The following C8orf74 variants were observed in gnomAD, a reference collection of about 807,000 sequenced individuals.
The protein encoded by C8orf74 is uncharacterized protein C8orf74.
C8orf74 carries 29 observed loss-of-function variants against 22.2 expected under a neutral mutation model. The ratio of observed to expected loss-of-function variants is 1.31; its 90% CI spans 0.97 to 1.78. C8orf74 has a LOEUF of 1.78. Among genes scored for constraint, C8orf74 ranks in the 40% most tolerant of loss-of-function variants. C8orf74 has a pLI of 0.00. For missense variants in C8orf74, 515 were observed against 369.9 expected (o/e 1.39, Z -3.22); for synonymous variants, 255 against 163.1 (o/e 1.56, Z -4.30).
chr8:10,685,732 A>G (rs766061153), intron 2 of C8orf74, among the ~76,000 whole-genome samples: 1 of 152,194 alleles, frequency 6.6e-6, no homozygotes, highest in Non-Finnish European at 1.5e-5. Context: ...GATGGCTGCA[A>G]AATAATGTGA....
chr8:10,693,952 C>G (rs35600556), intron 2 of C8orf74, among the ~76,000 whole-genome samples: 5 of 152,204 alleles, frequency 3.3e-5, no homozygotes, highest in Admixed American at 6.5e-5. Context: ...TAGGTGCCAA[C>G]GACAACAAGC....
chr8:10,691,127 C>T (rs575359615), intron 2 of C8orf74: 1 of 362,456 alleles, frequency 2.8e-6, no homozygotes, highest in African/African-American at 2.1e-5. Context: ...TGCTGAAACC[C>T]AGAACCAGCC....
chr8:10,694,366 T>C (rs185684264), intron 2 of C8orf74, among the ~76,000 whole-genome samples: 8 of 152,254 alleles, frequency 5.3e-5, no homozygotes, highest in African/African-American at 1.9e-4. Flanking sequence ...CAGGTCTCAA[T>C]CAATTTAGAA....
At chr8:10,682,779 G>C (rs1799178966) in intron 2 of C8orf74, among the ~76,000 whole-genome samples, 1 of 152,232 alleles carries the variant, frequency 6.6e-6, no homozygotes, top group Admixed American at 6.5e-5. Context: ...AAGTAGGTCA[G>C]AAATCAAGAC....
At chr8:10,689,277 C>T (rs1229245158) in intron 2 of C8orf74, 2 of 152,218 alleles carry the variant, frequency 1.3e-5, no homozygotes, top group African/African-American at 2.4e-5. Flanking sequence ...TTTTTCTGGG[C>T]CTCAGTTTCC....
chr8:10,685,540 T>C (rs1799245000), intron 2 of C8orf74, among the ~76,000 whole-genome samples: 2 of 152,136 alleles, frequency 1.3e-5, no homozygotes, highest in South Asian at 4.1e-4. Context: ...ATAATCTAGA[T>C]GCAAAAGAAT....
intron 2 of C8orf74, among the ~76,000 whole-genome samples, chr8:10,675,117 G>A (rs564939089): frequency 5.9e-5 from 9 of 152,330 alleles, no homozygotes; most frequent in East Asian, 1.9e-4. Context: ...TTTTGTTTTC[G>A]TTTGGTTTTG....
chr8:10,685,946 G>A (rs774359562), intron 2 of C8orf74, among the ~76,000 whole-genome samples: 3 of 152,156 alleles, frequency 2.0e-5, no homozygotes, highest in Non-Finnish European at 4.4e-5. Context: ...ACATGTGCCT[G>A]TAGTCCCAAC....
rs374050019 is a variant in C8orf74 at position 10,696,440 on chromosome 8, TC to T, written c.242-1158del. Among the ~76,000 whole-genome samples the T allele has an allele frequency of 2.2e-3, 300 of 134,238 alleles. 1 individual carries two copies. Among genetic ancestry groups the T allele is most frequent in the Non-Finnish European group, 3.3e-3 (218 of 66,812 alleles). 88.1% of individuals were successfully genotyped at this position (134,238 alleles called of 152,430 possible). A position where few individuals can be genotyped will look rare whatever the true frequency, so the allele number is the denominator to read the frequency against. On this transcript the variant is annotated intron_variant, in intron 2 of 3. Coordinates refer to ENST00000304519, the MANE Select transcript of C8orf74 (RefSeq NM_001040032.2). ...TTTTTTCTTTTCTTTTCTTTTCTTT[TC>T]TTTTTTTTTTTTTTTTTTTTTTGAG...
intron 2 of C8orf74, among the ~76,000 whole-genome samples, chr8:10,695,932 C>G (rs1324740268): frequency 6.6e-6 from 1 of 152,024 alleles, no homozygotes; most frequent in Non-Finnish European, 1.5e-5. Flanking sequence ...GGCCCAAGCC[C>G]TCATTCTTCA....
At chr8:10,697,555 G>C in intron 2 of C8orf74, 44 bp from the exon 3 acceptor site, 1 of 1,578,076 alleles carries the variant, frequency 6.3e-7, no homozygotes, top group Non-Finnish European at 8.6e-7. Context: ...TGGCAGGGCA[G>C]CTCTGTCCCA....
chr8:10,693,289 C>G (rs2129058473), intron 2 of C8orf74, among the ~76,000 whole-genome samples: 1 of 152,342 alleles, frequency 6.6e-6, no homozygotes, highest in African/African-American at 2.4e-5. Flanking sequence ...GTAAACCCCT[C>G]TGACCCAGTA....
intron 2 of C8orf74, among the ~76,000 whole-genome samples, chr8:10,676,413 C>T (rs1018315257): frequency 1.3e-5 from 2 of 152,162 alleles, no homozygotes; most frequent in Admixed American, 6.5e-5. Context: ...TTCCACCCCC[C>T]TCTCTTGATT....
At chr8:10,696,779 T>G (rs1265120018) in intron 2 of C8orf74, among the ~76,000 whole-genome samples, 1 of 152,106 alleles carries the variant, frequency 6.6e-6, no homozygotes, top group African/African-American at 2.4e-5. Flanking sequence ...GGAATTCCTT[T>G]TCTACATTCT....
At chr8:10,695,543 C>G (rs1210523747) in intron 2 of C8orf74, among the ~76,000 whole-genome samples, 17 of 152,148 alleles carry the variant, frequency 1.1e-4, no homozygotes, top group Admixed American at 1.1e-3. Flanking sequence ...AATATTTTCC[C>G]AAGACCATGA....
chr8:10,678,718 A>T (rs1481343821), intron 2 of C8orf74, among the ~76,000 whole-genome samples: 1 of 151,984 alleles, frequency 6.6e-6, no homozygotes, highest in Admixed American at 6.5e-5. Flanking sequence ...CTGGCTCCTG[A>T]CAGCCATGCC....
chr8:10,699,483 G>C (rs977853987), intron 3 of C8orf74, among the ~76,000 whole-genome samples: 1 of 152,210 alleles, frequency 6.6e-6, no homozygotes, highest in African/African-American at 2.4e-5. Context: ...CATCCAACCA[G>C]TTGCTTCCAG....
chr8:10,681,182 C>T lies in C8orf74; in HGVS notation c.241+6344C>T, dbSNP rs1799140502. On this transcript the variant is annotated intron_variant, in intron 2 of 3. Coordinates refer to ENST00000304519, the MANE Select transcript of C8orf74 (RefSeq NM_001040032.2). ...GCCTTGGCGCAGGGAGGGAAGGTGGCCCTTTCTTCAAAAGCTTCAGCTGGC... is the reference window on the plus strand; with the variant it reads ...GCCTTGGCGCAGGGAGGGAAGGTGGTCCTTTCTTCAAAAGCTTCAGCTGGC... Among the ~76,000 whole-genome samples, 4 of 151,986 alleles carry T rather than the reference C, an allele frequency of 2.6e-5. No homozygotes were observed. In the South Asian group the frequency reaches 8.3e-4, roughly 32 times the overall value.
chr8:10,686,901 C>T (rs1404314149), intron 2 of C8orf74, among the ~76,000 whole-genome samples: 1 of 152,206 alleles, frequency 6.6e-6, no homozygotes, highest in Non-Finnish European at 1.5e-5. Flanking sequence ...GTCCCCTTCA[C>T]TGTTTGAGTG....
Sources: gnomAD v4.1 joint callset for allele counts (sites outside exome capture counted in the v4.1 genomes callset) on GRCh38, gnomAD v4.1.1 for gene constraint, MANE v1.5 for transcripts, NCBI Gene and HGNC (gene_info 2026-07-23, HGNC 2026-07-21) for gene names.